SLC26A7: variants seen among roughly 807,000 people sequenced by gnomAD.
SLC26A7 encodes solute carrier family 26 member 7.
SLC26A7 carries 59 observed loss-of-function variants against 82.5 expected under a neutral mutation model. The ratio of observed to expected loss-of-function variants is 0.72; its 90% CI spans 0.58 to 0.89. The LOEUF (loss-of-function observed/expected upper bound fraction) is 0.89. Ranked by LOEUF, SLC26A7 falls within the 40% of genes least tolerant of loss-of-function variation. The pLI, the probability that SLC26A7 is intolerant of heterozygous loss-of-function variation, is 0.00. For missense variants in SLC26A7, 820 were observed against 793.0 expected (o/e 1.03, Z -0.41); for synonymous variants, 271 against 274.3 (o/e 0.99, Z 0.12).
At chr8:91,329,642 A>T (rs1813024600) in intron 5 of SLC26A7, among the ~76,000 whole-genome samples, 1 of 152,130 alleles carries the variant, frequency 6.6e-6, no homozygotes, top group Non-Finnish European at 1.5e-5. Flanking sequence ...TCTTATACAG[A>T]CATTGTCATG....
rs1055668393 is a variant in SLC26A7, at chr8:91,289,853, C to T, written c.304+607C>T. Among the ~76,000 whole-genome samples, 4 of 152,040 alleles carry T rather than the reference C, an allele frequency of 2.6e-5. No individual in the cohort carries two copies. In the East Asian group the frequency reaches 7.7e-4, roughly 29 times the overall value. On this transcript the variant is annotated intron_variant, in intron 3 of 18. Coordinates refer to ENST00000276609, the MANE Select transcript of SLC26A7 (RefSeq NM_052832.4). ...GCTCTTTACTTGGTGTAACTCTTAC[C>T]TTACCTACCTCTATATTACCAAAGA... is the stretch of plus-strand genomic sequence containing the variant.
At position 91,393,936 on chromosome 8, in the gene SLC26A7, C is replaced by T; in HGVS notation, c.1832C>T (p.Ala611Val). 1 of 1,613,340 alleles carries T rather than the reference C, an allele frequency of 6.2e-7. No homozygotes were observed. Among genetic ancestry groups the T allele is most frequent in the South Asian group, 1.1e-5 (1 of 90,976 alleles). The change falls in exon 18 of 19, where the codon GCT becomes GTT. Residue 611 changes from alanine (A) to valine (V), a missense_variant and splice_region_variant. By Grantham distance (64) the Ala-to-Val change is moderately conservative. Transcript: ENST00000276609. ...TTATATCACTTGTGCTTTCTTGAAG[C>T]TTCCTTGATAAAAGCAATGACGTAT... ...SVDVLLAHCT[A>V]SLIKAMTYYG...
At chr8:91,309,495 T>C (rs1440748921) in intron 4 of SLC26A7, among the ~76,000 whole-genome samples, 1 of 151,490 alleles carries the variant, frequency 6.6e-6, no homozygotes, top group African/African-American at 2.4e-5. Context: ...GTATATATAA[T>C]ATATAATAAT....
intron 6 of SLC26A7, among the ~76,000 whole-genome samples, chr8:91,337,478 G>T (rs1813274903): frequency 6.6e-6 from 1 of 152,032 alleles, no homozygotes; most frequent in African/African-American, 2.4e-5. Context: ...GGTGAACTGG[G>T]CTCTGATATG....
At chr8:91,303,823 T>C (rs963755682) in intron 4 of SLC26A7, among the ~76,000 whole-genome samples, 6 of 152,206 alleles carry the variant, frequency 3.9e-5, no homozygotes, top group African/African-American at 1.4e-4. Flanking sequence ...CAACACATCG[T>C]ACTTACTCTT....
intron 2 of SLC26A7, among the ~76,000 whole-genome samples, chr8:91,279,672 G>A (rs942925001): frequency 1.3e-5 from 2 of 152,026 alleles, no homozygotes; most frequent in Non-Finnish European, 2.9e-5. Flanking sequence ...CCATTCTCCT[G>A]CCTCAGCCTC....
At chr8:91,371,487 C>G (rs572335260) in intron 15 of SLC26A7, among the ~76,000 whole-genome samples, 115 of 151,822 alleles carry the variant, frequency 7.6e-4, no homozygotes, top group African/African-American at 2.4e-3. Flanking sequence ...GTGAGAACAT[C>G]TGGTATTTGG....
chr8:91,389,720 G>A (rs1330915626), intron 16 of SLC26A7, among the ~76,000 whole-genome samples: 1 of 152,120 alleles, frequency 6.6e-6, no homozygotes, highest in East Asian at 1.9e-4. Context: ...GTGGGCATAG[G>A]AGCTCCTAGG....
intron 2 of SLC26A7, among the ~76,000 whole-genome samples, chr8:91,286,096 T>C (rs896403651): frequency 2.6e-5 from 4 of 152,172 alleles, no homozygotes; most frequent in African/African-American, 7.2e-5. Context: ...CAAAAGATTA[T>C]AGTAGGAGCA....
At chr8:91,257,827 C>T (rs533259027) in intron 2 of SLC26A7, among the ~76,000 whole-genome samples, 6 of 152,018 alleles carry the variant, frequency 3.9e-5, no homozygotes, top group South Asian at 2.1e-4. Flanking sequence ...TCCATTCTCA[C>T]GCTGCTATGA....
intron 14 of SLC26A7, among the ~76,000 whole-genome samples, chr8:91,367,387 C>T (rs72667813): frequency 0.062 from 9,480 of 152,210 alleles, 299 homozygotes; most frequent in Non-Finnish European, 0.073. Flanking sequence ...ACTTCAGAGA[C>T]GCATAAACTG....
rs1274205649 is a variant in SLC26A7 at position 91,238,167 on chromosome 8, T to C, written c.-33-11452T>C. 2.6e-5 allele frequency among the ~76,000 whole-genome samples: 4 copies of C among 152,356 alleles called. No homozygotes were observed. The East Asian group carries it at 7.7e-4, about 29-fold the overall frequency. ...TATAAACAAAAGTAAAAGGAGCCTG[T>C]AAAGGAATTAAAAATTCATAGGAGA... is the stretch of plus-strand genomic sequence containing the variant. On this transcript the variant is annotated intron_variant, in intron 2 of 5. Coordinates refer to the SLC26A7 transcript ENST00000522862.
exon 2 of SLC26A7, chr8:91,218,906 A>G: frequency 1.3e-6 from 2 of 1,548,984 alleles, no homozygotes; most frequent in Non-Finnish European, 1.7e-6. Flanking sequence ...AAGATAAGCA[A>G]GAATCTGAAG....
In SLC26A7 at chr8:91,273,945, T is replaced by C. The variant is rs191874840; in HGVS notation, c.194-15191T>C. Among the ~76,000 whole-genome samples the C allele has an allele frequency of 6.6e-5, 10 of 152,352 alleles. No individual in the cohort carries two copies. In the East Asian group the frequency reaches 1.9e-3, roughly 29 times the overall value. ...TTTGTATCTCTCATGGAATTTAATATGGATTTGGAGACACCATAAGAGCTT... is the reference window on the plus strand; with the variant it reads ...TTTGTATCTCTCATGGAATTTAATACGGATTTGGAGACACCATAAGAGCTT... On this transcript the variant is annotated intron_variant, in intron 2 of 18. Transcript: ENST00000276609.
chr8:91,234,818 TACCTACC>T (rs1223594841), intron 2 of SLC26A7, among the ~76,000 whole-genome samples: 15 of 138,106 alleles, frequency 1.1e-4, no homozygotes, highest in African/African-American at 2.2e-4. Flanking sequence ...CCTACCTACC[TACCTACC>T]TACTTCCTTC....
chr8:91,382,699 T>C (rs1814699656), intron 15 of SLC26A7, among the ~76,000 whole-genome samples: 2 of 152,122 alleles, frequency 1.3e-5, no homozygotes, highest in Non-Finnish European at 2.9e-5. Flanking sequence ...GGTTATAGAG[T>C]CATTTTATTT....
At chr8:91,213,175 T>C (rs1809966792) in intron 1 of SLC26A7, among the ~76,000 whole-genome samples, 1 of 152,098 alleles carries the variant, frequency 6.6e-6, no homozygotes, top group Non-Finnish European at 1.5e-5. Context: ...AGGACCACTG[T>C]GTGGGGAAGG....
chr8:91,300,306 A>AAGCGTGTGAAAAACAC (rs1183998260), intron 4 of SLC26A7, among the ~76,000 whole-genome samples: 2 of 152,078 alleles, frequency 1.3e-5, no homozygotes, highest in African/African-American at 4.8e-5. Context: ...TGTCTTTGAA[A>AAGCGTGTGAAAAACAC]GCTATTGATT....
chr8:91,394,608 C>G, intron 18 of SLC26A7: 28 of 1,165,162 alleles, frequency 2.4e-5, no homozygotes, highest in Non-Finnish European at 2.8e-5. Context: ...TTCCTCACCC[C>G]TAGAATAACA....
Sources: allele counts gnomAD v4.1 joint callset (sites outside exome capture counted in the v4.1 genomes callset), GRCh38; gene constraint gnomAD v4.1.1; transcripts MANE v1.5; gene names NCBI Gene and HGNC (gene_info 2026-07-23, HGNC 2026-07-21).